Variants in KIDINS220 observed in about 807,000 individuals in gnomAD.
KIDINS220 encodes the protein kinase D interacting substrate 220, also known as kinase D-interacting substrate of 220 kDa.
In KIDINS220, 63 loss-of-function variants were observed where a neutral mutation model predicts 157.6. That is an observed-to-expected ratio of 0.40 (90% CI 0.33 to 0.49). The LOEUF is 0.49. Ranked by LOEUF, KIDINS220 falls within the 20% of genes least tolerant of loss-of-function variation. KIDINS220 has a pLI of 0.66. For missense variants in KIDINS220, 1,772 were observed against 2,171.2 expected, an observed-to-expected ratio of 0.82 and a Z score of 3.65; for synonymous variants, 732 against 783.6, an observed-to-expected ratio of 0.93 and a Z score of 1.10.
chr2:8,747,505 T>A (rs923383157), intron 25 of KIDINS220: 6 of 455,598 alleles, frequency 1.3e-5, no homozygotes, highest in African/African-American at 1.2e-4. Context: ...CTTCAATACA[T>A]CCTCTATTTT....
chr2:8,796,304 G>A (rs1271056017), intron 11 of KIDINS220, among the ~76,000 whole-genome samples: 1 of 152,160 alleles, frequency 6.6e-6, no homozygotes, highest in Non-Finnish European at 1.5e-5. Context: ...GAAGTATGAA[G>A]CCACTTAGAG....
intron 22 of KIDINS220, among the ~76,000 whole-genome samples, chr2:8,759,634 G>T (rs1212681075): frequency 2.0e-5 from 3 of 150,210 alleles, no homozygotes; most frequent in South Asian, 2.1e-4. Context: ...ACTCAAAAGG[G>T]GTATCTGCCT....
Position 8,756,811 on chromosome 2 carries a change from G to A in KIDINS220, c.3012-5167C>T, listed in dbSNP as rs572841682. ...CACCAACTCTAAATAATATCATACTGGGGGTTTGGGCTTCAACACGAAAAT... is the reference window on the plus strand; with the variant it reads ...CACCAACTCTAAATAATATCATACTAGGGGTTTGGGCTTCAACACGAAAAT... On this transcript the variant is annotated intron_variant, in intron 22 of 29. Coordinates refer to ENST00000256707, the MANE Select transcript of KIDINS220 (RefSeq NM_020738.4). Among the ~76,000 whole-genome samples the A allele has an allele frequency of 2.6e-4, 39 of 152,274 alleles. 1 individual carries two copies. The highest frequency in any genetic ancestry group is 2.1e-4 in the Non-Finnish European group (14 of 68,036).
chr2:8,748,133 C>A, intron 24 of KIDINS220, 133 bp from the exon 25 acceptor site: 1 of 447,338 alleles, frequency 2.2e-6, no homozygotes. Flanking sequence ...GAAAAAAAAG[C>A]CTCACTCATA....
chr2:8,730,044 C>T lies in KIDINS220; in HGVS notation c.*676G>A, dbSNP rs924753344. ...GAAGAGTTTCCGACATATAAACCCA[C>T]GGAGGTCACCAGCCCTCCCCGCATC... On this transcript the variant is annotated 3_prime_UTR_variant, in exon 30 of 30. Coordinates refer to ENST00000256707, the MANE Select transcript of KIDINS220 (RefSeq NM_020738.4). 4.4e-5 allele frequency: 43 copies of T among 985,370 alleles called. No homozygotes were observed. The highest frequency in any genetic ancestry group is 6.1e-5 in the Admixed American group (1 of 16,266). 61.0% of individuals were successfully genotyped at this position (985,370 alleles called of 1,614,324 possible). A position where few individuals can be genotyped will look rare whatever the true frequency, so the allele number is the denominator to read the frequency against.
intron 2 of KIDINS220, among the ~76,000 whole-genome samples, chr2:8,821,179 T>C (rs1558490690): frequency 6.6e-6 from 1 of 151,416 alleles, no homozygotes; most frequent in East Asian, 1.9e-4. Context: ...AATATAAATG[T>C]TATAAATACA....
chr2:8,730,332 A>G lies in KIDINS220; in HGVS notation c.*388T>C, dbSNP rs184209840. The G allele has an allele frequency of 9.7e-4, 980 of 1,009,730 alleles. 7 individuals carry two copies. In the African/African-American group the frequency reaches 0.015, roughly 16 times the overall value. 62.5% of individuals were successfully genotyped at this position (1,009,730 alleles called of 1,614,324 possible). A position where few individuals can be genotyped will look rare whatever the true frequency, so the allele number is the denominator to read the frequency against. ...TCACCTAACGCCACGTCTTCCCTCAAATGTGTGGTCACCAAATGTTTGCAA... is the reference window on the plus strand; with the variant it reads ...TCACCTAACGCCACGTCTTCCCTCAGATGTGTGGTCACCAAATGTTTGCAA... On this transcript the variant is annotated 3_prime_UTR_variant, in exon 30 of 30. Transcript: ENST00000256707.
intron 22 of KIDINS220, among the ~76,000 whole-genome samples, chr2:8,770,178 A>T (rs1670003196): frequency 6.6e-6 from 1 of 152,148 alleles, no homozygotes; most frequent in Non-Finnish European, 1.5e-5. Context: ...CCAAGACAGG[A>T]GAAATGCTTG....
chr2:8,822,410 G>A (rs1434564487), intron 2 of KIDINS220, among the ~76,000 whole-genome samples: 1 of 152,096 alleles, frequency 6.6e-6, no homozygotes, highest in East Asian at 1.9e-4. Context: ...GATCACTTGT[G>A]CCCAGGAGTT....
chr2:8,770,765 A>G lies in KIDINS220; in HGVS notation c.2916T>C (p.Thr972=), dbSNP rs750288031. ...ATGAAGTCCGGTATGGCCACTGCTC[A>G]GTAAGGTTGATCCAGCTAGCAAGCC... ...WDRLASWINL[T]EQWPYRTSWL... Residue 972 remains threonine (T), a synonymous_variant, in exon 22 of 30, where the codon ACT becomes ACC. Transcript: ENST00000256707. 6.2e-7 allele frequency: 1 copy of G among 1,612,676 alleles called. No homozygotes were observed. The highest frequency in any genetic ancestry group is 8.5e-7 in the Non-Finnish European group (1 of 1,178,868).
Position 8,778,885 on chromosome 2 carries a change from C to G in KIDINS220, c.2614+11G>C, listed in dbSNP as rs749351480. Reference sequence around the variant, plus strand: ...TTCAAACTCAAAGTACTTTAGGAGCCTGAGCTTTACCTGTAGTATCTGAGC... The same window carrying G: ...TTCAAACTCAAAGTACTTTAGGAGCGTGAGCTTTACCTGTAGTATCTGAGC... On this transcript the variant is annotated intron_variant, in intron 19 of 29. Coordinates refer to ENST00000256707, the MANE Select transcript of KIDINS220 (RefSeq NM_020738.4). The G allele has an allele frequency of 6.2e-7, 1 of 1,613,286 alleles. No homozygotes were observed. Among genetic ancestry groups the G allele is most frequent in the African/African-American group, 1.3e-5 (1 of 74,892 alleles).
At position 8,734,671 on chromosome 2, in the gene KIDINS220, T is replaced by A. The variant is rs776992785; in HGVS notation, c.3800A>T (p.His1267Leu). 1.2e-6 allele frequency: 2 copies of A among 1,608,848 alleles called. No homozygotes were observed. Among genetic ancestry groups the A allele is most frequent in the African/African-American group, 1.3e-5 (1 of 74,804 alleles). Residue 1267 changes from histidine (H) to leucine (L), a missense_variant, in exon 28 of 30, where the codon CAC becomes CTC. His to Leu is a moderately conservative substitution (Grantham distance 99, BLOSUM62 -3). Transcript: ENST00000256707. ...ATATCTTACTGTGCTTCTGAAAAGG[T>A]GCCAGTCTCCAAAATTCATATTCAT... is the stretch of plus-strand genomic sequence containing the variant. ...KEMNMNFGDW[H>L]LFRSTVLEMR...
chr2:8,790,173 G>T, intron 13 of KIDINS220, 114 bp from the exon 14 acceptor site: 1 of 934,096 alleles, frequency 1.1e-6, no homozygotes, highest in Non-Finnish European at 1.6e-6. Context: ...ACACTTAGTA[G>T]GTCCCTAGAT....
Position 8,790,110 on chromosome 2 carries a change from C to A in KIDINS220, c.1442-51G>T, listed in dbSNP as rs750555588. 3 of 1,496,728 alleles carry A rather than the reference C, an allele frequency of 2.0e-6. No homozygotes were observed. The South Asian group carries it at 3.8e-5, about 19-fold the overall frequency. 92.7% of individuals were successfully genotyped at this position (1,496,728 alleles called of 1,614,324 possible). Reference sequence around the variant, plus strand: ...TTATTCCTGTTTTGTTTAAGAAATACAACTTTTAACTCAATATGCAGTTTT... The same window carrying A: ...TTATTCCTGTTTTGTTTAAGAAATAAAACTTTTAACTCAATATGCAGTTTT... On this transcript the variant is annotated intron_variant, in intron 13 of 29. Coordinates refer to ENST00000256707, the MANE Select transcript of KIDINS220 (RefSeq NM_020738.4).
chr2:8,739,566 C>G (rs908016492), intron 26 of KIDINS220, among the ~76,000 whole-genome samples: 1 of 151,692 alleles, frequency 6.6e-6, no homozygotes, highest in African/African-American at 2.4e-5. Flanking sequence ...AGAAAGAGTG[C>G]AAAAATGATA....
chr2:8,822,640 T>C (rs1349862795), intron 2 of KIDINS220, among the ~76,000 whole-genome samples: 1 of 151,954 alleles, frequency 6.6e-6, no homozygotes, highest in Non-Finnish European at 1.5e-5. Context: ...AAAAATAAAA[T>C]AAAATAAAGT....
At chr2:8,820,429 T>C (rs1183943043) in intron 2 of KIDINS220, among the ~76,000 whole-genome samples, 1 of 152,168 alleles carries the variant, frequency 6.6e-6, no homozygotes, top group African/African-American at 2.4e-5. Flanking sequence ...TCTCAAAGAA[T>C]TTAAAAATCT....
At chr2:8,746,591 A>G (rs1356929127) in intron 26 of KIDINS220, 1 of 151,956 alleles carries the variant, frequency 6.6e-6, no homozygotes, top group Non-Finnish European at 1.5e-5. Flanking sequence ...ATTTATTTTA[A>G]CAAATATATA....
Position 8,730,640 on chromosome 2 carries a change from G to A in KIDINS220, c.*80C>T. 2.0e-6 allele frequency: 3 copies of A among 1,506,882 alleles called. No individual in the cohort carries two copies. The highest frequency in any genetic ancestry group is 2.3e-5 in the East Asian group (1 of 43,996). The allele number at this position is 1,506,882 out of a possible 1,614,324, so 93.3% of individuals were successfully genotyped here. On this transcript the variant is annotated 3_prime_UTR_variant, in exon 30 of 30. Transcript: ENST00000256707. ...ATCTGTCAGCAAAATGTAGAAAGGT[G>A]ATGGGCGTGGATGGAGTCAAAATCC... is the stretch of plus-strand genomic sequence containing the variant.
Sources: gnomAD v4.1 joint callset for allele counts (sites outside exome capture counted in the v4.1 genomes callset) on GRCh38, gnomAD v4.1.1 for gene constraint, MANE v1.5 for transcripts, NCBI Gene and HGNC (gene_info 2026-07-23, HGNC 2026-07-21) for gene names.